Variants in TTC28 observed in about 807,000 individuals in gnomAD.
The protein encoded by TTC28 is tetratricopeptide repeat domain 28, also known as tetratricopeptide repeat protein 28.
In TTC28, 61 loss-of-function variants were observed where a neutral mutation model predicts 198.0. That is an observed-to-expected ratio of 0.31 (90% CI 0.25 to 0.38). TTC28 has a LOEUF of 0.38. TTC28 is among the 10% of genes least tolerant of loss of function. The pLI, the probability that TTC28 is intolerant of heterozygous loss-of-function variation, is 1.00. For synonymous variants in TTC28, 1,171 were observed against 1,297.8 expected, an observed-to-expected ratio of 0.90 and a Z score of 2.10; for missense variants, 2,678 against 3,164.0, an observed-to-expected ratio of 0.85 and a Z score of 3.69.
At chr22:28,087,700 T>C (rs964659676) in intron 12 of TTC28, among the ~76,000 whole-genome samples, 54 of 152,104 alleles carry the variant, frequency 3.6e-4, no homozygotes, top group Admixed American at 2.4e-3. Context: ...GGTATTCAAT[T>C]AGGAAAAGAG....
chr22:28,146,724 A>G lies in TTC28; in HGVS notation c.1441+16368T>C, dbSNP rs188264107. On this transcript the variant is annotated intron_variant, in intron 6 of 22. Coordinates refer to ENST00000397906, the MANE Select transcript of TTC28 (RefSeq NM_001145418.2). Reference sequence around the variant, plus strand: ...ATGGATTGGTGGAACCTTCCATTTGAATCAGGGAAACAATTACAGAATAAC... The same window carrying G: ...ATGGATTGGTGGAACCTTCCATTTGGATCAGGGAAACAATTACAGAATAAC... Among the ~76,000 whole-genome samples the G allele has an allele frequency of 1.2e-4, 18 of 152,292 alleles. No individual in the cohort carries two copies. The East Asian group carries it at 3.5e-3, about 29-fold the overall frequency.
chr22:28,011,191 C>T (rs1436923911), intron 14 of TTC28, among the ~76,000 whole-genome samples: 2 of 152,308 alleles, frequency 1.3e-5, no homozygotes, highest in Non-Finnish European at 2.9e-5. Context: ...TATTTATAAT[C>T]TAGATTACCT....
chr22:28,334,823 C>A (rs2045681694), intron 2 of TTC28, among the ~76,000 whole-genome samples: 1 of 152,110 alleles, frequency 6.6e-6, no homozygotes, highest in South Asian at 2.1e-4. Flanking sequence ...ATGGTAGGTT[C>A]CTTTGCTATT....
intron 2 of TTC28, among the ~76,000 whole-genome samples, chr22:28,561,746 C>T (rs2049885057): frequency 6.6e-6 from 1 of 152,142 alleles, no homozygotes; most frequent in South Asian, 2.1e-4. Flanking sequence ...ATATCCTTTC[C>T]TCCTCATACT....
At chr22:28,085,218 C>A (rs1001047944) in intron 12 of TTC28, among the ~76,000 whole-genome samples, 1 of 151,780 alleles carries the variant, frequency 6.6e-6, no homozygotes, top group Non-Finnish European at 1.5e-5. Flanking sequence ...GTCAGATTCA[C>A]CAAAGTTGAA....
At chr22:28,395,269 C>A (rs1284230161) in intron 2 of TTC28, among the ~76,000 whole-genome samples, 1 of 152,162 alleles carries the variant, frequency 6.6e-6, no homozygotes, top group Non-Finnish European at 1.5e-5. Flanking sequence ...GCAAATTAAT[C>A]TTCCTCCCTT....
rs536156195 is a variant in TTC28, at chr22:28,088,311, A to G, written c.3932+5769T>C. The stretch of plus-strand genomic sequence containing the variant: ...AACAGCATGGTACTGGTACCAAAAC[A>G]GAGATATAGATCAATGGAACAGAAC... On this transcript the variant is annotated intron_variant, in intron 12 of 22. Coordinates refer to ENST00000397906, the MANE Select transcript of TTC28 (RefSeq NM_001145418.2). Among the ~76,000 whole-genome samples, 16 of 152,332 alleles carry G rather than the reference A, an allele frequency of 1.1e-4. No homozygotes were observed. In the East Asian group the frequency reaches 3.1e-3, roughly 29 times the overall value.
chr22:28,364,803 G>A (rs1305870453), intron 2 of TTC28, among the ~76,000 whole-genome samples: 1 of 152,194 alleles, frequency 6.6e-6, no homozygotes, highest in Non-Finnish European at 1.5e-5. Context: ...AACAAATGAG[G>A]AGTTGCTTCT....
chr22:28,605,581 G>C (rs1569054846), intron 2 of TTC28, among the ~76,000 whole-genome samples: 1 of 152,134 alleles, frequency 6.6e-6, no homozygotes, highest in Non-Finnish European at 1.5e-5. Context: ...CCCCAACACA[G>C]AAGGACAGTC....
chr22:28,297,904 CA>C, intron 3 of TTC28, 52 bp from the exon 4 acceptor site: 2 of 1,515,096 alleles, frequency 1.3e-6, no homozygotes, highest in Non-Finnish European at 1.8e-6. Context: ...TAGGATGATA[CA>C]AAAACAATCT....
At chr22:28,055,062 C>T (rs1482674703) in intron 12 of TTC28, among the ~76,000 whole-genome samples, 1 of 152,116 alleles carries the variant, frequency 6.6e-6, no homozygotes, top group Admixed American at 6.5e-5. Flanking sequence ...GCAAGTCTGG[C>T]AGTATATGAG....
At chr22:28,466,855 A>ACACC (rs912322558) in intron 2 of TTC28, among the ~76,000 whole-genome samples, 49 of 147,840 alleles carry the variant, frequency 3.3e-4, no homozygotes, top group African/African-American at 9.5e-4. Flanking sequence ...ACACACACAC[A>ACACC]CCCCTATGCC....
chr22:28,285,734 T>A (rs1389508890), intron 5 of TTC28, among the ~76,000 whole-genome samples: 1 of 152,204 alleles, frequency 6.6e-6, no homozygotes, highest in Non-Finnish European at 1.5e-5. Context: ...TAAAATTTTT[T>A]AAATAATCTA....
intron 1 of TTC28, among the ~76,000 whole-genome samples, chr22:28,633,319 A>AT (rs1336414367): frequency 6.0e-5 from 9 of 151,010 alleles, no homozygotes; most frequent in Non-Finnish European, 8.9e-5. Context: ...AAGAAAAAAA[A>AT]TTTTTTTTTC....
chr22:28,163,233 T>G lies in TTC28; in HGVS notation c.1300A>C (p.Met434Leu), dbSNP rs1429811139. Residue 434 changes from methionine to leucine, a missense_variant, in exon 6 of 23, where the codon ATG becomes CTG. Around this residue, in one of 8 missense-constraint regions of TTC28, gnomAD observed 775 missense variants for 845.9 expected, o/e 0.92. Transcript: ENST00000397906. ...TGGCCTAGTCCAGCATAGGCCCGCA[T>G]CTCAATAGCCTTCTCCATCAACTCC... is the stretch of plus-strand genomic sequence containing the variant. Reference protein sequence around the residue: ...AQELMEKAIEMRAYAGLGHAA... With the variant: ...AQELMEKAIELRAYAGLGHAA... The G allele has an allele frequency of 6.4e-7, 1 of 1,551,780 alleles. No individual in the cohort carries two copies. Among genetic ancestry groups the G allele is most frequent in the Admixed American group, 2.0e-5 (1 of 50,988 alleles).
chr22:28,291,153 C>CA (rs1047621772), intron 5 of TTC28, among the ~76,000 whole-genome samples: 44 of 151,784 alleles, frequency 2.9e-4, no homozygotes, highest in African/African-American at 1.1e-3. Flanking sequence ...TAAAATCTAA[C>CA]AAAATGATTT....
Position 28,342,103 on chromosome 22 carries a change from A to G in TTC28, c.382-35460T>C, listed in dbSNP as rs2045841225. ...AAAGTGATCTATCTTTGGGTTTCTA[A>G]GAGCTAAAATTGTTTTTTGTGTTAA... On this transcript the variant is annotated intron_variant, in intron 2 of 22. Coordinates refer to ENST00000397906, the MANE Select transcript of TTC28 (RefSeq NM_001145418.2). Among the ~76,000 whole-genome samples the G allele has an allele frequency of 2.6e-5, 4 of 152,234 alleles. No individual in the cohort carries two copies. The South Asian group carries it at 6.2e-4, about 24-fold the overall frequency.
At chr22:28,166,999 G>T (rs559247281) in intron 5 of TTC28, among the ~76,000 whole-genome samples, 5 of 152,240 alleles carry the variant, frequency 3.3e-5, no homozygotes, top group Non-Finnish European at 5.9e-5. Context: ...TATGACCACC[G>T]ATTCCACAGA....
chr22:28,489,687 G>A (rs2048351348), intron 2 of TTC28, among the ~76,000 whole-genome samples: 1 of 152,142 alleles, frequency 6.6e-6, no homozygotes, highest in African/African-American at 2.4e-5. Context: ...ATGGGAGGCT[G>A]GGGTGGGAGG....
Sources: gnomAD v4.1 joint callset for allele counts (sites outside exome capture counted in the v4.1 genomes callset) on GRCh38, gnomAD v4.1.1 for gene constraint, gnomAD v4.1.1 regional missense constraint, MANE v1.5 for transcripts, NCBI Gene and HGNC (gene_info 2026-07-23, HGNC 2026-07-21) for gene names.